The following PIKFYVE variants were observed in gnomAD, a reference collection of about 807,000 sequenced individuals.
The protein encoded by PIKFYVE is 1-phosphatidylinositol 3-phosphate 5-kinase.
Under a neutral mutation model 257.9 loss-of-function variants are expected in PIKFYVE, and 122 were observed. The ratio of observed to expected loss-of-function variants is 0.47; its 90% CI spans 0.41 to 0.55. The LOEUF is 0.55. PIKFYVE is among the 20% of genes least tolerant of loss of function. PIKFYVE has a pLI of 0.00. For synonymous variants in PIKFYVE, 892 were observed against 868.9 expected, an observed-to-expected ratio of 1.03 and a Z score of -0.47; for missense variants, 2,160 against 2,536.6, an observed-to-expected ratio of 0.85 and a Z score of 3.19.
rs78861489 is a variant in PIKFYVE at position 208,284,208 on chromosome 2, A to C, written c.614-1518A>C. Among the ~76,000 whole-genome samples the C allele has an allele frequency of 2.6e-3, 393 of 152,114 alleles. 1 individual carries two copies. The highest frequency in any genetic ancestry group is 8.5e-3 in the African/African-American group (354 of 41,508). ...ACAGGACTGCACCCTCAAAAAATAC[A>C]TATTTAGAAATATTAACCTTGTTTG... is the stretch of plus-strand genomic sequence containing the variant. On this transcript the variant is annotated intron_variant, in intron 5 of 41. Coordinates refer to ENST00000264380, the MANE Select transcript of PIKFYVE (RefSeq NM_015040.4).
rs762022151 is a variant in PIKFYVE, at chr2:208,350,992, C to T, written c.5611+45C>T. 6.8e-5 allele frequency: 109 copies of T among 1,606,140 alleles called. 1 individual carries two copies. The South Asian group carries it at 1.2e-3, about 18-fold the overall frequency. On this transcript the variant is annotated intron_variant, in intron 37 of 41. Transcript: ENST00000264380. ...TATTGATTGGTTCAGTAGTCTTCAT[C>T]TCTTTACCTCAGAAAATGCAGCAGG...
rs1866047 is a variant in PIKFYVE at position 208,329,935 on chromosome 2, C to G, written c.3791+22C>G. On this transcript the variant is annotated intron_variant, in intron 22 of 41. Transcript: ENST00000264380. ...TCAGGTAAGAACATATTTCTTCCTT[C>G]TGTTCCATTACACATTTTTGATGCT... 9,980 of 1,607,826 alleles carry G rather than the reference C, an allele frequency of 6.2e-3. 53 individuals carry two copies. Among genetic ancestry groups the G allele is most frequent in the Non-Finnish European group, 7.1e-3 (8,317 of 1,176,166 alleles).
chr2:208,333,395 C>T lies in PIKFYVE; in HGVS notation c.4044C>T (p.His1348=). Residue 1348 remains histidine, a synonymous_variant, in exon 24 of 42, where the codon CAC becomes CAT. Transcript: ENST00000264380. ...ACCTTGAACTTAGGTTTTATGGGCA[C>T]CAGTATACTCGCAGAGCCAACGCTG... ...AKYLELRFYG[H]QYTRRANAEP... 2.5e-6 allele frequency: 4 copies of T among 1,614,044 alleles called. No homozygotes were observed. The highest frequency in any genetic ancestry group is 3.4e-6 in the Non-Finnish European group (4 of 1,179,978).
chr2:208,335,301 C>G lies in PIKFYVE; in HGVS notation c.4143-5C>G, dbSNP rs1168041157. On this transcript the variant is annotated splice_polypyrimidine_tract_variant and splice_region_variant and intron_variant, in intron 24 of 41. Transcript: ENST00000264380. Reference sequence around the variant, plus strand: ...TTTCTATTGGTCCTTGTATTTTCTTCTCAGTTATTCTCCCATTCGGCTTCT... The same window carrying G: ...TTTCTATTGGTCCTTGTATTTTCTTGTCAGTTATTCTCCCATTCGGCTTCT... The G allele has an allele frequency of 1.9e-6, 3 of 1,561,998 alleles. No homozygotes were observed. Among genetic ancestry groups the G allele is most frequent in the South Asian group, 1.1e-5 (1 of 89,924 alleles).
At chr2:208,298,501 T>C in intron 7 of PIKFYVE, 140 bp from the exon 8 acceptor site, 1 of 1,057,198 alleles carries the variant, frequency 9.5e-7, no homozygotes, top group Non-Finnish European at 1.4e-6. Context: ...GATAATATCA[T>C]GCATAACCAT....
At chr2:208,270,037 ATTTTTTTTT>A (rs943072206) in intron 1 of PIKFYVE, 2,590 of 110,270 alleles carry the variant, frequency 0.023, 93 homozygotes, top group African/African-American at 0.083. Context: ...AGACTACAGT[ATTTTTTTTT>A]TTTTTTTTTT....
At chr2:208,267,326 G>T (rs1283870093) in intron 1 of PIKFYVE, among the ~76,000 whole-genome samples, 1 of 152,084 alleles carries the variant, frequency 6.6e-6, no homozygotes, top group Non-Finnish European at 1.5e-5. Flanking sequence ...CAAAGATTGT[G>T]TAGGTTAAAT....
At chr2:208,349,536 G>A (rs543898850) in intron 35 of PIKFYVE, among the ~76,000 whole-genome samples, 1 of 149,450 alleles carries the variant, frequency 6.7e-6, no homozygotes, top group African/African-American at 2.4e-5. Context: ...TATGTTATAG[G>A]CTAATAAAGT....
At chr2:208,285,985 G>A in intron 6 of PIKFYVE, 52 bp downstream of exon 6, 2 of 1,550,558 alleles carry the variant, frequency 1.3e-6, no homozygotes, top group Non-Finnish European at 1.8e-6. Context: ...ATCGATAGTT[G>A]TCTGACCTTT....
At chr2:208,303,454 T>C (rs1411024100) in intron 10 of PIKFYVE, among the ~76,000 whole-genome samples, 1 of 152,246 alleles carries the variant, frequency 6.6e-6, no homozygotes, top group Non-Finnish European at 1.5e-5. Flanking sequence ...ATATTTTGTA[T>C]GTTGTGTGTA....
chr2:208,327,026 T>C (rs1196756446), intron 20 of PIKFYVE, among the ~76,000 whole-genome samples: 1 of 152,140 alleles, frequency 6.6e-6, no homozygotes, highest in Non-Finnish European at 1.5e-5. Flanking sequence ...TGCAATTGTT[T>C]AATAAAACGA....
chr2:208,277,406 C>A, intron 4 of PIKFYVE, 131 bp from the exon 5 acceptor site: 2 of 924,574 alleles, frequency 2.2e-6, no homozygotes, highest in Non-Finnish European at 3.4e-6. Flanking sequence ...GTTATTTTGA[C>A]CTTTCGTATT....
chr2:208,307,831 CAAT>C (rs1351461927), intron 12 of PIKFYVE, among the ~76,000 whole-genome samples: 1 of 151,238 alleles, frequency 6.6e-6, no homozygotes, highest in African/African-American at 2.5e-5. Context: ...AATGATCTCT[CAAT>C]AATTTTGTAG....
chr2:208,337,865 G>A (rs1451788146), intron 28 of PIKFYVE, among the ~76,000 whole-genome samples: 2 of 152,050 alleles, frequency 1.3e-5, no homozygotes, highest in Non-Finnish European at 2.9e-5. Context: ...GGGATTACAG[G>A]CGTGTGCCAC....
chr2:208,277,978 G>A (rs1237237180), intron 5 of PIKFYVE, among the ~76,000 whole-genome samples: 3 of 152,128 alleles, frequency 2.0e-5, no homozygotes, highest in African/African-American at 2.4e-5. Context: ...AGACAAGATC[G>A]TTAGAGTAGA....
intron 12 of PIKFYVE, among the ~76,000 whole-genome samples, chr2:208,306,953 A>G (rs1694400897): frequency 6.6e-6 from 1 of 151,880 alleles, no homozygotes; most frequent in African/African-American, 2.4e-5. Flanking sequence ...AATTTTTTGT[A>G]TTTTTAGTAA....
At chr2:208,327,434 A>G (rs779879353) in intron 20 of PIKFYVE, among the ~76,000 whole-genome samples, 1 of 152,210 alleles carries the variant, frequency 6.6e-6, no homozygotes, top group Non-Finnish European at 1.5e-5. Flanking sequence ...TTATTGAAAC[A>G]GTTTAAGGAT....
At chr2:208,348,049 TTATTC>T in intron 35 of PIKFYVE, 26 bp downstream of exon 35, 1 of 1,610,996 alleles carries the variant, frequency 6.2e-7, no homozygotes, top group South Asian at 1.1e-5. Flanking sequence ...GTAAATGTGC[TTATTC>T]TATGCTTTGA....
intron 7 of PIKFYVE, among the ~76,000 whole-genome samples, chr2:208,295,048 T>C (rs6742461): frequency 0.93 from 141,595 of 152,108 alleles, 66,369 homozygotes; most frequent in Non-Finnish European, 0.98. Context: ...AATTTGATTT[T>C]AGGTTTTCCT....
Sources: allele counts gnomAD v4.1 joint callset (sites outside exome capture counted in the v4.1 genomes callset), GRCh38; gene constraint gnomAD v4.1.1; transcripts MANE v1.5; gene names NCBI Gene and HGNC (gene_info 2026-07-23, HGNC 2026-07-21).